CCSER1: variants seen among roughly 807,000 people sequenced by gnomAD.
The protein encoded by CCSER1 is serine-rich coiled-coil domain-containing protein 1.
A neutral mutation model predicts 82.0 loss-of-function variants in CCSER1; 41 were observed. That is an observed-to-expected ratio of 0.50 (90% CI 0.39 to 0.65). The LOEUF is 0.65. Ranked by LOEUF, CCSER1 falls within the 30% of genes least tolerant of loss-of-function variation. The probability of loss-of-function intolerance (pLI) is 0.00; values close to 1 mark genes in which losing one functional copy is unlikely to be tolerated. For missense variants in CCSER1, 1,119 were observed against 1,064.2 expected, an observed-to-expected ratio of 1.05 and a Z score of -0.72; for synonymous variants, 414 against 383.9, an observed-to-expected ratio of 1.08 and a Z score of -0.92.
intron 7 of CCSER1, among the ~76,000 whole-genome samples, chr4:90,786,662 T>C (rs909034052): frequency 7.9e-5 from 12 of 152,208 alleles, no homozygotes; most frequent in African/African-American, 2.7e-4. Context: ...AATCTCTCTG[T>C]TTTTCCTCTA....
At chr4:90,413,860 AATGGCGTGAACCCGGGAGG>A (rs1324255448) in intron 4 of CCSER1, among the ~76,000 whole-genome samples, 1 of 144,846 alleles carries the variant, frequency 6.9e-6, no homozygotes, top group Non-Finnish European at 1.5e-5. Flanking sequence ...GAGGCAGGAG[AATGGCGTGAACCCGGGAGG>A]TGGAGCTTGC....
intron 10 of CCSER1, among the ~76,000 whole-genome samples, chr4:91,507,762 C>A (rs902193088): frequency 3.3e-5 from 5 of 151,706 alleles, no homozygotes; most frequent in African/African-American, 1.2e-4. Context: ...TAATAAACTT[C>A]AATTTATTTT....
chr4:90,908,506 A>G (rs1482165425), intron 8 of CCSER1, among the ~76,000 whole-genome samples: 1 of 152,216 alleles, frequency 6.6e-6, no homozygotes, highest in Non-Finnish European at 1.5e-5. Flanking sequence ...ATAACAGTAT[A>G]AAACAAGAAG....
chr4:90,833,870 G>C (rs1422411687), intron 8 of CCSER1, among the ~76,000 whole-genome samples: 1 of 152,064 alleles, frequency 6.6e-6, no homozygotes, highest in East Asian at 1.9e-4. Context: ...ACTGGGAATG[G>C]GTTATTCAAT....
At chr4:90,334,393 A>G (rs545547760) in intron 3 of CCSER1, among the ~76,000 whole-genome samples, 2 of 152,268 alleles carry the variant, frequency 1.3e-5, no homozygotes, top group African/African-American at 4.8e-5. Context: ...TTTTAAATAT[A>G]TTAAATGAAT....
intron 1 of CCSER1, among the ~76,000 whole-genome samples, chr4:90,207,720 CTGTT>C (rs1052735348): frequency 2.0e-5 from 3 of 152,104 alleles, no homozygotes; most frequent in Non-Finnish European, 4.4e-5. Context: ...CTATTTCTTT[CTGTT>C]TGTTAGTTTT....
rs1377670979 is a variant in CCSER1 at position 91,315,173 on chromosome 4, G to A, written c.2217+229179G>A. Among the ~76,000 whole-genome samples, 21 of 148,252 alleles carry A rather than the reference G, an allele frequency of 1.4e-4. No homozygotes were observed. In the Admixed American group the frequency reaches 1.4e-3, roughly 10 times the overall value. On this transcript the variant is annotated intron_variant, in intron 10 of 10. Coordinates refer to ENST00000509176, the MANE Select transcript of CCSER1 (RefSeq NM_001145065.2). ...CAAGTGTGTGTGTGTGTGTGTGTGT[G>A]TGTGTGTAAGTGTGTAATTATTCTT...
intron 10 of CCSER1, among the ~76,000 whole-genome samples, chr4:91,183,405 T>C (rs1467055430): frequency 6.6e-6 from 1 of 152,206 alleles, no homozygotes; most frequent in African/African-American, 2.4e-5. Flanking sequence ...GCACCTTCAA[T>C]TGGTTTAAAT....
intron 10 of CCSER1, among the ~76,000 whole-genome samples, chr4:91,283,050 A>C (rs1743035820): frequency 6.6e-6 from 1 of 152,078 alleles, no homozygotes; most frequent in African/African-American, 2.4e-5. Context: ...ATTTATAATG[A>C]ATTATTGATT....
At chr4:90,401,462 G>A (rs145022188) in intron 4 of CCSER1, among the ~76,000 whole-genome samples, 1,549 of 152,260 alleles carry the variant, frequency 0.01, 17 homozygotes, top group South Asian at 0.03. Flanking sequence ...ATGGTTTACC[G>A]AACAGTCATT....
intron 7 of CCSER1, among the ~76,000 whole-genome samples, chr4:90,726,101 C>T (rs1488927237): frequency 6.6e-6 from 1 of 151,846 alleles, no homozygotes. Context: ...ATTTGATTTT[C>T]CTTTTTCTTC....
At chr4:90,211,844 C>G (rs1243251208) in intron 1 of CCSER1, among the ~76,000 whole-genome samples, 4 of 151,976 alleles carry the variant, frequency 2.6e-5, no homozygotes, top group Admixed American at 2.6e-4. Flanking sequence ...CTCAAAGATT[C>G]TTGAGCACAT....
intron 10 of CCSER1, among the ~76,000 whole-genome samples, chr4:91,181,315 G>A (rs1488729893): frequency 6.6e-6 from 1 of 152,178 alleles, no homozygotes; most frequent in Non-Finnish European, 1.5e-5. Context: ...CAGATTAAAA[G>A]CACAATCATC....
At chr4:90,562,959 A>G (rs889891282) in intron 5 of CCSER1, among the ~76,000 whole-genome samples, 1 of 151,668 alleles carries the variant, frequency 6.6e-6, no homozygotes, top group African/African-American at 2.4e-5. Context: ...TTTAAAGTAT[A>G]CTTGTATTTA....
At chr4:90,888,617 A>G (rs565607591) in intron 8 of CCSER1, among the ~76,000 whole-genome samples, 41 of 152,210 alleles carry the variant, frequency 2.7e-4, no homozygotes, top group Non-Finnish European at 4.4e-4. Flanking sequence ...TAAATGGGAA[A>G]ATAATCACCT....
intron 4 of CCSER1, among the ~76,000 whole-genome samples, chr4:90,409,551 A>G (rs1754339964): frequency 1.3e-5 from 2 of 152,236 alleles, no homozygotes; most frequent in Non-Finnish European, 2.9e-5. Context: ...GTGAAGGAGA[A>G]ATAAAATCCT....
chr4:90,398,968 G>T (rs907634210), intron 3 of CCSER1, among the ~76,000 whole-genome samples: 3 of 152,046 alleles, frequency 2.0e-5, no homozygotes, highest in Non-Finnish European at 4.4e-5. Flanking sequence ...TTAGCTTTCC[G>T]TAATGAATAC....
rs76089923 is a variant in CCSER1 at position 91,148,458 on chromosome 4, G to A, written c.2217+62464G>A. On this transcript the variant is annotated intron_variant, in intron 10 of 10. Coordinates refer to ENST00000509176, the MANE Select transcript of CCSER1 (RefSeq NM_001145065.2). ...TTAGTATTTCTTGAAAGCTTACTAA[G>A]TACCAGACATTCTTATTTATTTATT... 4.5e-3 allele frequency among the ~76,000 whole-genome samples: 674 copies of A among 151,414 alleles called. 6 individuals carry two copies. The highest frequency in any genetic ancestry group is 0.016 in the African/African-American group (643 of 41,292).
intron 10 of CCSER1, among the ~76,000 whole-genome samples, chr4:91,574,603 G>A (rs1198769237): frequency 6.6e-6 from 1 of 152,116 alleles, no homozygotes; most frequent in East Asian, 1.9e-4. Flanking sequence ...CAACATGGAT[G>A]CAGCTGGAGT....
Sources: gnomAD v4.1 joint callset for allele counts (sites outside exome capture counted in the v4.1 genomes callset) on GRCh38, gnomAD v4.1.1 for gene constraint, MANE v1.5 for transcripts, NCBI Gene and HGNC (gene_info 2026-07-23, HGNC 2026-07-21) for gene names.